Variants in COL11A2 observed in about 807,000 individuals in gnomAD.
COL11A2 encodes the protein collagen type XI alpha 2 chain.
In COL11A2, 116 loss-of-function variants were observed where a neutral mutation model predicts 273.4. The observed-to-expected ratio is 0.42, with a 90% CI of 0.36 to 0.49. The LOEUF (loss-of-function observed/expected upper bound fraction) is 0.49. Ranked by LOEUF, COL11A2 falls within the 20% of genes least tolerant of loss-of-function variation. The pLI, the probability that COL11A2 is intolerant of heterozygous loss-of-function variation, is 0.00. For synonymous variants in COL11A2, 782 were observed against 864.2 expected (o/e 0.90, Z 1.67); for missense variants, 1,866 against 2,309.0 (o/e 0.81, Z 3.93).
chr6:33,177,948 A>C lies in COL11A2; in HGVS notation c.1872+184T>G. The stretch of plus-strand genomic sequence containing the variant: ...CAGAGCCCTCAGGGCACCACGCCAC[A>C]TGGCCCTCCCTGTGCACGGGGAGCG... On this transcript the variant is annotated intron_variant, in intron 21 of 65. Coordinates refer to ENST00000341947, the MANE Select transcript of COL11A2 (RefSeq NM_080680.3). This position sits in a 1 kb window ranked among gnomAD's most constrained non-coding sequence, Gnocchi z 5.9. 1 of 788,430 alleles carries C rather than the reference A, an allele frequency of 1.3e-6. No individual in the cohort carries two copies. Among genetic ancestry groups the C allele is most frequent in the Admixed American group, 2.5e-5 (1 of 39,892 alleles). 48.8% of individuals were successfully genotyped at this position (788,430 alleles called of 1,614,324 possible).
rs1278631266 is a variant in COL11A2 at position 33,172,102 on chromosome 6, C to T, written c.2990G>A (p.Gly997Asp). Reference protein sequence around the residue: ...PGERGLPGTAGGPGLKGNEGP... With the variant: ...PGERGLPGTADGPGLKGNEGP... ...TTCATTCCCCTTCAAACCAGGTCCA[C>T]CCTATGAACCAGACATTTGGGGAAG... The change falls in exon 41 of 66, where the codon GGT becomes GAT. Residue 997 changes from glycine to aspartate, a missense_variant and splice_region_variant. Coordinates refer to ENST00000341947, the MANE Select transcript of COL11A2 (RefSeq NM_080680.3). 2 of 1,612,954 alleles carry T rather than the reference C, an allele frequency of 1.2e-6. No individual in the cohort carries two copies. Among genetic ancestry groups the T allele is most frequent in the Non-Finnish European group, 1.7e-6 (2 of 1,180,008 alleles).
At chr6:33,181,294 A>G in intron 8 of COL11A2, 124 bp from the exon 9 acceptor site, 1 of 981,558 alleles carries the variant, frequency 1.0e-6, no homozygotes, top group East Asian at 2.5e-5. Context: ...CCCTACCCGA[A>G]AGCCCCACAG....
intron 38 of COL11A2, 132 bp downstream of exon 38, chr6:33,172,928 G>A (rs1211451729): frequency 2.0e-6 from 2 of 995,578 alleles, no homozygotes. Context: ...TGAAATCCCA[G>A]CCCCCACCAT....
intron 38 of COL11A2, 147 bp downstream of exon 38, chr6:33,172,913 C>G: frequency 2.2e-6 from 2 of 905,698 alleles, no homozygotes; most frequent in South Asian, 2.8e-5. Context: ...TTCAGGACCC[C>G]TGCCTGAAAT....
chr6:33,168,791 C>T lies in COL11A2; in HGVS notation c.3853-32G>A, dbSNP rs1160152927. 4.4e-6 allele frequency: 7 copies of T among 1,597,764 alleles called. 1 individual carries two copies. The highest frequency in any genetic ancestry group is 6.0e-6 in the Non-Finnish European group (7 of 1,172,198). ...AAGTGAAGCAAGGTCAGAGGTGGGC[C>T]CCCAACCTGGCTGGCATCACCTCCA... On this transcript the variant is annotated intron_variant, in intron 52 of 65. Transcript: ENST00000341947.
In COL11A2 at chr6:33,179,190, T is replaced by G. The variant is rs370591636; in HGVS notation, c.1557+41A>C. The stretch of plus-strand genomic sequence containing the variant: ...GGGAGGGGAGTGAGGGAGACTGAGC[T>G]GGTGAACAGATATGGGGGTGCAGTG... On this transcript the variant is annotated intron_variant, in intron 15 of 65. Transcript: ENST00000341947. This position sits in a 1 kb window ranked among gnomAD's most constrained non-coding sequence, Gnocchi z 6.4. The G allele has an allele frequency of 6.7e-4, 1,082 of 1,611,662 alleles. No individual in the cohort carries two copies. The highest frequency in any genetic ancestry group is 8.8e-4 in the Non-Finnish European group (1,040 of 1,179,174).
Position 33,178,814 on chromosome 6 carries a change from G to A in COL11A2, c.1666-82C>T, listed in dbSNP as rs140358630. ...CCCTACTGCACCCTGAGCTGGGGGGGTGCTGATCCTGGGGAAGCCTGGAGA... is the reference window on the plus strand; with the variant it reads ...CCCTACTGCACCCTGAGCTGGGGGGATGCTGATCCTGGGGAAGCCTGGAGA... On this transcript the variant is annotated intron_variant, in intron 17 of 65. Transcript: ENST00000341947. This position sits in a 1 kb window ranked among gnomAD's most constrained non-coding sequence, Gnocchi z 4.6. 1.2e-6 allele frequency: 2 copies of A among 1,606,192 alleles called. No individual in the cohort carries two copies. The highest frequency in any genetic ancestry group is 1.7e-6 in the Non-Finnish European group (2 of 1,173,996).
rs141254777 is a variant in COL11A2 at position 33,165,648 on chromosome 6, G to A, written c.4651C>T (p.Arg1551Trp). The change falls in exon 63 of 66, where the codon CGG (arginine) becomes TGG (tryptophan). Residue 1551 changes from arginine (R) to tryptophan (W), a missense_variant. By Grantham distance (101) the Arg-to-Trp change is moderately radical. Transcript: ENST00000341947. The surrounding 1 kb of genome is among the most constrained non-coding windows in gnomAD (Gnocchi z 7.7). Reference sequence around the variant, plus strand: ...CGCCTCATCTGCTCGATCTCCTCCCGCAGGGAGTCGAGTGAGCCAAAGATC... The same window carrying A: ...CGCCTCATCTGCTCGATCTCCTCCCACAGGGAGTCGAGTGAGCCAAAGATC... The part of the protein sequence containing the change: ...EEIFGSLDSL[R>W]EEIEQMRRPT... The A allele has an allele frequency of 4.5e-4, 723 of 1,612,480 alleles. 2 individuals carry two copies. Among genetic ancestry groups the A allele is most frequent in the Non-Finnish European group, 5.6e-4 (658 of 1,179,966 alleles).
chr6:33,171,231 A>G (rs1050279029), intron 44 of COL11A2, 40 bp downstream of exon 44: 1 of 1,613,956 alleles, frequency 6.2e-7, no homozygotes, highest in Non-Finnish European at 8.5e-7. Context: ...GACTGAGGTT[A>G]AAGGCCAGGA....
intron 45 of COL11A2, 21 bp downstream of exon 45, chr6:33,171,093 G>C (rs751375028): frequency 2.5e-6 from 4 of 1,573,018 alleles, no homozygotes; most frequent in African/African-American, 1.4e-5. Flanking sequence ...GGCCTTCGGT[G>C]GGGGTGGAGG....
Position 33,166,339 on chromosome 6 carries a change from G to C in COL11A2, c.4393-133C>G. On this transcript the variant is annotated intron_variant, in intron 60 of 65. Transcript: ENST00000341947. The surrounding 1 kb of genome is among the most constrained non-coding windows in gnomAD (Gnocchi z 4.8). ...GAGGGGCAGTCTTGTGGGAATACTA[G>C]GACATTCAGAGCCCTGGAAGTATGG... 2 of 1,300,172 alleles carry C rather than the reference G, an allele frequency of 1.5e-6. No individual in the cohort carries two copies. Among genetic ancestry groups the C allele is most frequent in the Non-Finnish European group, 1.1e-6 (1 of 943,210 alleles). 80.5% of individuals were successfully genotyped at this position (1,300,172 alleles called of 1,614,324 possible). A position where few individuals can be genotyped will look rare whatever the true frequency, so the allele number is the denominator to read the frequency against.
rs577251274 is a variant in COL11A2, at chr6:33,189,611, A to C, written c.83-142T>G. The C allele has an allele frequency of 1.7e-4, 194 of 1,109,090 alleles. 1 individual carries two copies. The South Asian group carries it at 2.7e-3, about 15-fold the overall frequency. The allele number at this position is 1,109,090 out of a possible 1,614,324, so 68.7% of individuals were successfully genotyped here. A position where few individuals can be genotyped will look rare whatever the true frequency, so the allele number is the denominator to read the frequency against. On this transcript the variant is annotated intron_variant, in intron 1 of 65. Transcript: ENST00000341947. This position sits in a 1 kb window ranked among gnomAD's most constrained non-coding sequence, Gnocchi z 5.6. ...TCACCTCACCCTCACTTGCTTCTGA[A>C]CAGTACCTGAATGGATGGGAAATGC... is the stretch of plus-strand genomic sequence containing the variant.
chr6:33,163,366 C>T lies in COL11A2; in HGVS notation c.*312G>A, dbSNP rs1192425232. 1.3e-5 allele frequency: 6 copies of T among 470,370 alleles called. No homozygotes were observed. The highest frequency in any genetic ancestry group is 7.1e-5 in the South Asian group (2 of 28,358). 29.1% of individuals were successfully genotyped at this position (470,370 alleles called of 1,614,324 possible). ...TACAATTACTTTTAAATACAAAATA[C>T]GCCATGTCCTTTCTCTTCTCTTCCA... is the stretch of plus-strand genomic sequence containing the variant. On this transcript the variant is annotated 3_prime_UTR_variant, in exon 66 of 66. Transcript: ENST00000341947. The surrounding 1 kb of genome is among the most constrained non-coding windows in gnomAD (Gnocchi z 4.1).
Position 33,176,308 on chromosome 6 carries a change from A to C in COL11A2, c.2170-5T>G, listed in dbSNP as rs1305820552. 1 of 1,605,222 alleles carries C rather than the reference A, an allele frequency of 6.2e-7. No homozygotes were observed. The highest frequency in any genetic ancestry group is 1.7e-5 in the Admixed American group (1 of 58,704). On this transcript the variant is annotated splice_polypyrimidine_tract_variant and splice_region_variant and intron_variant, in intron 27 of 65. Transcript: ENST00000341947. The surrounding 1 kb of genome is among the most constrained non-coding windows in gnomAD (Gnocchi z 4.9). ...ACCCCGAATTCCGTCCACACCCTAG[A>C]ATTAGAGAGGGGATAGAAGTAGACT...
intron 8 of COL11A2, among the ~76,000 whole-genome samples, chr6:33,182,723 A>C (rs1319047088): frequency 6.6e-6 from 1 of 152,044 alleles, no homozygotes; most frequent in African/African-American, 2.4e-5. Flanking sequence ...AAAAAAAAAA[A>C]ATTGGAGAGC....
In COL11A2 at chr6:33,190,645, C is replaced by G. The variant is rs562426130; in HGVS notation, c.83-1176G>C. On this transcript the variant is annotated intron_variant, in intron 1 of 65. Transcript: ENST00000341947. The surrounding 1 kb of genome is among the most constrained non-coding windows in gnomAD (Gnocchi z 4.5). ...TGGGGCGGGCAGGCAGAGAAAAGGC[C>G]CTTTGAGTCCAGGAGCCGGGAAACC... 6.6e-6 allele frequency among the ~76,000 whole-genome samples: 1 copy of G among 152,206 alleles called. No individual in the cohort carries two copies. The highest frequency in any genetic ancestry group is 2.1e-4 in the South Asian group (1 of 4,828).
Position 33,171,183 on chromosome 6 carries a change from G to A in COL11A2, c.3313-16C>T, listed in dbSNP as rs1770001483. On this transcript the variant is annotated splice_polypyrimidine_tract_variant and intron_variant, in intron 44 of 65. Coordinates refer to ENST00000341947, the MANE Select transcript of COL11A2 (RefSeq NM_080680.3). ...CAGGAGGGCCCTGGGTAAGAGAAGA[G>A]AGTCAGAGACACCAAAACAGGGAGA... The A allele has an allele frequency of 6.2e-7, 1 of 1,611,890 alleles. No homozygotes were observed. Among genetic ancestry groups the A allele is most frequent in the Non-Finnish European group, 8.5e-7 (1 of 1,178,788 alleles).
chr6:33,169,042 A>G lies in COL11A2; in HGVS notation c.3799-34T>C. 6.3e-7 allele frequency: 1 copy of G among 1,587,468 alleles called. No homozygotes were observed. Among genetic ancestry groups the G allele is most frequent in the Non-Finnish European group, 8.6e-7 (1 of 1,166,238 alleles). On this transcript the variant is annotated intron_variant, in intron 51 of 65. Transcript: ENST00000341947. This position sits in a 1 kb window ranked among gnomAD's most constrained non-coding sequence, Gnocchi z 5.5. ...GATGGAGAATAAGAGTCAGGGTCACAGCTCCCTAAGCCCACCCAGCACAGA... is the reference window on the plus strand; with the variant it reads ...GATGGAGAATAAGAGTCAGGGTCACGGCTCCCTAAGCCCACCCAGCACAGA...
At chr6:33,184,971 G>A (rs775500362) in intron 7 of COL11A2, 21 bp downstream of exon 7, 4 of 1,548,632 alleles carry the variant, frequency 2.6e-6, no homozygotes, top group East Asian at 2.4e-5. Context: ...CAGATGGGGT[G>A]AGGGTGGGGC....
Sources: allele counts gnomAD v4.1 joint callset (sites outside exome capture counted in the v4.1 genomes callset), GRCh38; gene constraint gnomAD v4.1.1; non-coding constraint Gnocchi (gnomAD v3.1); transcripts MANE v1.5; gene names NCBI Gene and HGNC (gene_info 2026-07-23, HGNC 2026-07-21).